LRP1B: variants seen among roughly 807,000 people sequenced by gnomAD.
LRP1B encodes low-density lipoprotein receptor-related protein 1B.
Under a neutral mutation model 556.6 loss-of-function variants are expected in LRP1B, and 217 were observed. The ratio of observed to expected loss-of-function variants is 0.39; its 90% CI spans 0.35 to 0.44. The LOEUF is 0.44. Among genes scored for constraint, LRP1B ranks in the 20% least tolerant of loss-of-function variants. The pLI, the probability that LRP1B is intolerant of heterozygous loss-of-function variation, is 1.00. For synonymous variants in LRP1B, 2,047 were observed against 1,865.8 expected (o/e 1.10, Z -2.50); for missense variants, 5,053 against 5,620.8 (o/e 0.90, Z 3.23).
At chr2:141,031,875 AG>A (rs1698383262) in intron 11 of LRP1B, among the ~76,000 whole-genome samples, 1 of 151,988 alleles carries the variant, frequency 6.6e-6, no homozygotes, top group Admixed American at 6.6e-5. Flanking sequence ...CCATGTTTGA[AG>A]TAACCAACTT....
chr2:141,683,177 T>C (rs958503126), intron 2 of LRP1B, among the ~76,000 whole-genome samples: 3 of 152,136 alleles, frequency 2.0e-5, no homozygotes, highest in Non-Finnish European at 2.9e-5. Context: ...CTGTCACAAA[T>C]ACTAAACCTG....
intron 2 of LRP1B, among the ~76,000 whole-genome samples, chr2:141,493,338 T>C (rs963837153): frequency 2.0e-5 from 3 of 152,138 alleles, no homozygotes; most frequent in Non-Finnish European, 2.9e-5. Context: ...TGGAAGAATC[T>C]TGAGGAAAAG....
intron 1 of LRP1B, among the ~76,000 whole-genome samples, chr2:142,005,058 TTATA>T (rs966837907): frequency 2.0e-5 from 3 of 148,348 alleles, no homozygotes; most frequent in East Asian, 1.9e-4. Context: ...AGTACTATAA[TTATA>T]TATACTCTAT....
chr2:141,026,777 A>C (rs1698228938), intron 11 of LRP1B, among the ~76,000 whole-genome samples: 1 of 152,238 alleles, frequency 6.6e-6, no homozygotes, highest in East Asian at 1.9e-4. Context: ...CAAAACTGAA[A>C]CAGTACATTG....
intron 41 of LRP1B, among the ~76,000 whole-genome samples, chr2:140,616,693 T>C (rs1209467523): frequency 6.6e-6 from 1 of 151,922 alleles, no homozygotes; most frequent in East Asian, 1.9e-4. Flanking sequence ...TATAAATTGT[T>C]TATTAATATT....
intron 3 of LRP1B, chr2:141,286,697 TG>T: frequency 2.2e-6 from 1 of 446,742 alleles, no homozygotes; most frequent in Non-Finnish European, 4.5e-6. Context: ...TTATTTCATC[TG>T]GAGTTAGTTT....
Position 140,278,309 on chromosome 2 carries a change from TATTTA to T in LRP1B, c.12968-3716_12968-3712del, listed in dbSNP as rs1215611482. Among the ~76,000 whole-genome samples, 9 of 152,132 alleles carry T rather than the reference TATTTA, an allele frequency of 5.9e-5. No individual in the cohort carries two copies. In the South Asian group the frequency reaches 1.5e-3, roughly 25 times the overall value. ...TTAAACTGATGTGTACACCTTGTAA[TATTTA>T]ATTGAACTGTTTACTTGTGATTTTT... On this transcript the variant is annotated intron_variant, in intron 84 of 90. Coordinates refer to ENST00000389484, the MANE Select transcript of LRP1B (RefSeq NM_018557.3).
intron 74 of LRP1B, among the ~76,000 whole-genome samples, chr2:140,356,747 A>G (rs572432629): frequency 6.6e-6 from 1 of 151,842 alleles, no homozygotes; most frequent in Non-Finnish European, 1.5e-5. Context: ...CTTTTTAAAA[A>G]TAAGTCAGGA....
intron 2 of LRP1B, among the ~76,000 whole-genome samples, chr2:141,797,988 G>T (rs1300860294): frequency 6.6e-6 from 1 of 152,108 alleles, no homozygotes; most frequent in Non-Finnish European, 1.5e-5. Flanking sequence ...TTGGATCCTG[G>T]ATTCGGTAAA....
chr2:140,907,310 G>A (rs1469481), intron 22 of LRP1B, among the ~76,000 whole-genome samples: 74,644 of 151,810 alleles, frequency 0.49, 19,392 homozygotes, highest in Middle Eastern at 0.6. Context: ...GCTAGTCAAC[G>A]TGATTTCAAA....
At chr2:140,922,938 T>C (rs1430352154) in intron 21 of LRP1B, 27 bp downstream of exon 21, 10 of 1,601,574 alleles carry the variant, frequency 6.2e-6, no homozygotes, top group African/African-American at 2.7e-5. Context: ...GGAGACCCAA[T>C]AGAAGCCAAA....
intron 32 of LRP1B, among the ~76,000 whole-genome samples, chr2:140,805,042 CA>C (rs1455333862): frequency 6.6e-6 from 1 of 152,058 alleles, no homozygotes; most frequent in African/African-American, 2.4e-5. Context: ...ATGATGAGCT[CA>C]TTTGGTTCAC....
chr2:142,066,934 C>T (rs906031271), intron 1 of LRP1B, among the ~76,000 whole-genome samples: 1 of 151,406 alleles, frequency 6.6e-6, no homozygotes, highest in African/African-American at 2.4e-5. Context: ...TAAAATCAAG[C>T]TGTCTGCAGG....
Position 140,945,978 on chromosome 2 carries a change from C to T in LRP1B, c.3136+4257G>A, listed in dbSNP as rs139231198. Among the ~76,000 whole-genome samples, 161 of 152,120 alleles carry T rather than the reference C, an allele frequency of 1.1e-3. 1 individual carries two copies. The highest frequency in any genetic ancestry group is 3.8e-3 in the African/African-American group (157 of 41,514). On this transcript the variant is annotated intron_variant, in intron 20 of 90. Coordinates refer to ENST00000389484, the MANE Select transcript of LRP1B (RefSeq NM_018557.3). ...TACACATCTGACAAGGAACTAATAG[C>T]CAGAATTTATAAAGAACTGAAAGAA...
intron 15 of LRP1B, among the ~76,000 whole-genome samples, chr2:141,004,395 C>T (rs750732321): frequency 2.0e-4 from 31 of 151,996 alleles, no homozygotes; most frequent in Non-Finnish European, 2.9e-4. Context: ...GCAAAATAAA[C>T]GTCAACTGCC....
At chr2:141,779,892 A>G (rs1695195476) in intron 2 of LRP1B, among the ~76,000 whole-genome samples, 1 of 151,758 alleles carries the variant, frequency 6.6e-6, no homozygotes, top group African/African-American at 2.4e-5. Context: ...ACAGTCTATT[A>G]TTTACCTAAA....
intron 41 of LRP1B, among the ~76,000 whole-genome samples, chr2:140,697,588 T>C (rs1355991524): frequency 1.3e-5 from 2 of 152,086 alleles, no homozygotes; most frequent in African/African-American, 4.8e-5. Context: ...GTACATACAG[T>C]GAAATATTAT....
At position 140,487,616 on chromosome 2, in the gene LRP1B, C is replaced by CA; in HGVS notation, c.9243_9243+1insT (p.Val3082CysfsTer4). 1 of 1,606,972 alleles carries CA rather than the reference C, an allele frequency of 6.2e-7. No individual in the cohort carries two copies. The highest frequency in any genetic ancestry group is 8.5e-7 in the Non-Finnish European group (1 of 1,175,530). The stretch of plus-strand genomic sequence containing the variant: ...ATCCCATCATTGTAATATTTAGTTA[C>CA]CTTAATGTCACTTCCATTTAAACAC... On this transcript the variant is annotated frameshift_variant and splice_region_variant. Coordinates refer to ENST00000389484, the MANE Select transcript of LRP1B (RefSeq NM_018557.3). LOFTEE classifies it high-confidence loss of function.
rs71408454 is a variant in LRP1B, at chr2:140,389,745, T to TTATATA, written c.10415-3742_10415-3737dup. ...TAGTTATATATATGTATATATAGTT[T>TTATATA]TATATATATATATATTCATATAATT... is the stretch of plus-strand genomic sequence containing the variant. On this transcript the variant is annotated intron_variant, in intron 66 of 90. Transcript: ENST00000389484. 5.2e-3 allele frequency among the ~76,000 whole-genome samples: 762 copies of TTATATA among 147,356 alleles called. 2 individuals carry two copies. Among genetic ancestry groups the TTATATA allele is most frequent in the South Asian group, 0.013 (61 of 4,754 alleles).
Sources: gnomAD v4.1 joint callset for allele counts (sites outside exome capture counted in the v4.1 genomes callset) on GRCh38, gnomAD v4.1.1 for gene constraint, MANE v1.5 for transcripts, NCBI Gene and HGNC (gene_info 2026-07-23, HGNC 2026-07-21) for gene names.